Variants in ZNF469 observed in about 807,000 individuals in gnomAD.
ZNF469 encodes the protein zinc finger protein 469.
In ZNF469, 1 loss-of-function variant was observed where a neutral mutation model predicts 1.0. That is an observed-to-expected ratio of 1.00 (90% CI 0.35 to 4.73). The LOEUF (loss-of-function observed/expected upper bound fraction) is 4.73, where lower values mean the gene tolerates loss of function less well. Among genes scored for constraint, ZNF469 ranks in the 30% most tolerant of loss-of-function variants. The probability of loss-of-function intolerance (pLI) is 0.16; values close to 1 mark genes in which losing one functional copy is unlikely to be tolerated. For synonymous variants in ZNF469, 2,703 were observed against 2,363.4 expected, an observed-to-expected ratio of 1.14 and a Z score of -4.17; for missense variants, 6,100 against 5,356.3, an observed-to-expected ratio of 1.14 and a Z score of -4.33.
the ZNF469 span, among the ~76,000 whole-genome samples, chr16:88,208,255 A>G: frequency 1.3e-5 from 2 of 151,846 alleles, no homozygotes; most frequent in Non-Finnish European, 1.5e-5. Flanking sequence ...GCAGGAAGAG[A>G]TATCTCAAGC....
the ZNF469 span, among the ~76,000 whole-genome samples, chr16:88,317,317 A>G: frequency 1.3e-5 from 2 of 152,184 alleles, no homozygotes; most frequent in Non-Finnish European, 2.9e-5. Flanking sequence ...CCTTCTCCCC[A>G]GGGCAGATGC....
chr16:88,416,629 G>A (rs1189382211), intron 1 of ZNF469, among the ~76,000 whole-genome samples: 5 of 152,236 alleles, frequency 3.3e-5, no homozygotes, highest in South Asian at 4.1e-4. Flanking sequence ...GAAATTGCAC[G>A]CAGGGCTTCA....
chr16:88,103,658 G>A, the ZNF469 span, among the ~76,000 whole-genome samples: 86 of 152,274 alleles, frequency 5.6e-4, 1 homozygote, highest in Admixed American at 1.7e-3. Flanking sequence ...CTGGGATGCC[G>A]AGGCTGGGTG....
the ZNF469 span, among the ~76,000 whole-genome samples, chr16:88,330,775 C>T: frequency 6.6e-6 from 1 of 152,210 alleles, no homozygotes; most frequent in Non-Finnish European, 1.5e-5. Flanking sequence ...CCAGCCACTG[C>T]CGCATGCTAC....
At chr16:88,381,258 G>A (rs1313792187), upstream of ZNF469, among the ~76,000 whole-genome samples, 4 of 106,854 alleles carry the variant, frequency 3.7e-5, no homozygotes, top group Non-Finnish European at 5.7e-5. Flanking sequence ...GCACTCACAC[G>A]CACTCACACA....
intron 1 of ZNF469, among the ~76,000 whole-genome samples, chr16:88,397,621 GTGGA>G (rs1232390376): frequency 8.8e-5 from 13 of 147,044 alleles, no homozygotes; most frequent in Admixed American, 2.0e-4. Flanking sequence ...GGATGGATGG[GTGGA>G]TGGATGGATG....
the ZNF469 span, among the ~76,000 whole-genome samples, chr16:88,125,363 A>G: frequency 6.6e-6 from 1 of 152,234 alleles, no homozygotes; most frequent in African/African-American, 2.4e-5. Flanking sequence ...AAGAATTGGT[A>G]CCAATCCTAT....
In ZNF469 at chr16:88,431,498, G is replaced by A. The variant is rs1473995931; in HGVS notation, c.4028G>A (p.Ser1343Asn). The A allele has an allele frequency of 3.9e-6, 6 of 1,550,420 alleles. No homozygotes were observed. The highest frequency in any genetic ancestry group is 5.2e-6 in the Non-Finnish European group (6 of 1,146,976). The change falls in exon 3 of 3, where the codon AGT becomes AAT. Residue 1343 changes from serine to asparagine, a missense_variant. Coordinates refer to ENST00000565624, the MANE Select transcript of ZNF469 (RefSeq NM_001367624.2). Reference sequence around the variant, plus strand: ...TCAAGTACCGCCTGCCCCAAACCCAGTGTTCTGTCTTCAAAGATCTCCAGT... The same window carrying A: ...TCAAGTACCGCCTGCCCCAAACCCAATGTTCTGTCTTCAAAGATCTCCAGT... ...NPSSTACPKP[S>N]VLSSKISSFG... is the part of the protein sequence containing the mutation.
At chr16:88,394,158 G>GC (rs1363547679) in intron 1 of ZNF469, among the ~76,000 whole-genome samples, 18,951 of 148,980 alleles carry the variant, frequency 0.13, 6,050 homozygotes, top group Non-Finnish European at 0.16. Flanking sequence ...CTGTCCGAGA[G>GC]GGATGGGGTT....
chr16:88,315,486 T>C, the ZNF469 span, among the ~76,000 whole-genome samples: 3 of 152,174 alleles, frequency 2.0e-5, no homozygotes, highest in Admixed American at 2.0e-4. Flanking sequence ...AAGCTTCTGT[T>C]TGTTCTTTGC....
At chr16:88,241,174 C>T in the ZNF469 span, among the ~76,000 whole-genome samples, 5 of 152,128 alleles carry the variant, frequency 3.3e-5, no homozygotes, top group Admixed American at 6.5e-5. The surrounding 1 kb of genome is among the most constrained non-coding windows in gnomAD (Gnocchi z 4.8). Flanking sequence ...TTGAGATCAG[C>T]CTGAGCAACA....
At chr16:88,390,452 TC>T (rs1904455240) in intron 1 of ZNF469, among the ~76,000 whole-genome samples, 2 of 152,136 alleles carry the variant, frequency 1.3e-5, no homozygotes. Flanking sequence ...GTGTGTCTTC[TC>T]CAGCCAAACA....
rs1002277126 is a variant in ZNF469 at position 88,433,073 on chromosome 16, C to T, written c.5603C>T (p.Pro1868Leu). The T allele has an allele frequency of 6.5e-7, 1 of 1,550,354 alleles. No homozygotes were observed. The highest frequency in any genetic ancestry group is 2.4e-5 in the East Asian group (1 of 40,916). Residue 1868 changes from proline (P) to leucine (L), a missense_variant, in exon 3 of 3, where the codon CCC becomes CTC. Physicochemically the swap from Pro to Leu is moderately conservative, Grantham distance 98 (BLOSUM62 -3). Coordinates refer to ENST00000565624, the MANE Select transcript of ZNF469 (RefSeq NM_001367624.2). ...GCGGGGGCCTCCTCACTGACTGCCCCCCGGGGCAGGGAGGCTTGGTTGGTC... is the reference window on the plus strand; with the variant it reads ...GCGGGGGCCTCCTCACTGACTGCCCTCCGGGGCAGGGAGGCTTGGTTGGTC... The part of the protein sequence containing the change: ...APAGASSLTA[P>L]RGREAWLVPV...
the ZNF469 span, among the ~76,000 whole-genome samples, chr16:88,140,350 G>A: frequency 1.3e-5 from 2 of 151,734 alleles, no homozygotes; most frequent in African/African-American, 2.4e-5. Context: ...GAGGAAAGGA[G>A]GACGGAGCCA....
At chr16:88,111,530 A>G in the ZNF469 span, among the ~76,000 whole-genome samples, 1 of 148,592 alleles carries the variant, frequency 6.7e-6, no homozygotes, top group Non-Finnish European at 1.5e-5. Context: ...CATCCCCCCC[A>G]CTTCCCTTCC....
chr16:88,316,543 G>T, the ZNF469 span, among the ~76,000 whole-genome samples: 1 of 63,058 alleles, frequency 1.6e-5, no homozygotes, highest in African/African-American at 8.1e-5. Flanking sequence ...TATAGGTGCT[G>T]TCTTTTTTTT....
chr16:88,117,961 G>T, the ZNF469 span, among the ~76,000 whole-genome samples: 1 of 152,304 alleles, frequency 6.6e-6, no homozygotes, highest in East Asian at 1.9e-4. Flanking sequence ...TTGTTTTTTT[G>T]AGACGGAGTC....
At chr16:88,396,196 T>C (rs1362675864) in intron 1 of ZNF469, among the ~76,000 whole-genome samples, 1 of 152,282 alleles carries the variant, frequency 6.6e-6, no homozygotes, top group Admixed American at 6.5e-5. Flanking sequence ...ATTTCTTGGC[T>C]TGTGATACTG....
chr16:88,244,275 G>T, the ZNF469 span, among the ~76,000 whole-genome samples: 13 of 151,520 alleles, frequency 8.6e-5, no homozygotes, highest in Non-Finnish European at 1.8e-4. Context: ...ATGGGTGAAT[G>T]GATGGATGGA....
Sources: allele counts gnomAD v4.1 joint callset (sites outside exome capture counted in the v4.1 genomes callset), GRCh38; gene constraint gnomAD v4.1.1; non-coding constraint Gnocchi (gnomAD v3.1); transcripts MANE v1.5; gene names NCBI Gene and HGNC (gene_info 2026-07-23, HGNC 2026-07-21).